TBC1D9: variants seen among roughly 807,000 people sequenced by gnomAD.
TBC1D9 encodes the protein TBC1 domain family member 9.
Under a neutral mutation model 132.0 loss-of-function variants are expected in TBC1D9, and 63 were observed. That is an observed-to-expected ratio of 0.48 (90% CI 0.39 to 0.59). TBC1D9 has a LOEUF of 0.59. Among genes scored for constraint, TBC1D9 ranks in the 20% least tolerant of loss-of-function variants. The probability of loss-of-function intolerance (pLI) is 0.00; values close to 1 mark genes in which losing one functional copy is unlikely to be tolerated. For missense variants in TBC1D9, 1,261 were observed against 1,592.7 expected (o/e 0.79, Z 3.54); for synonymous variants, 610 against 609.9 (o/e 1.00, Z 0.00).
intron 13 of TBC1D9, among the ~76,000 whole-genome samples, chr4:140,647,785 C>T (rs1256486331): frequency 6.6e-6 from 1 of 152,210 alleles, no homozygotes; most frequent in Non-Finnish European, 1.5e-5. Flanking sequence ...CACAGTGGCC[C>T]TTCCCTCTGG....
At chr4:140,709,713 C>T (rs941437298) in intron 1 of TBC1D9, among the ~76,000 whole-genome samples, 1 of 152,044 alleles carries the variant, frequency 6.6e-6, no homozygotes, top group African/African-American at 2.4e-5. Context: ...TTTCCATGGA[C>T]CAGAGTTGGG....
intron 2 of TBC1D9, among the ~76,000 whole-genome samples, chr4:140,686,847 T>C (rs576590461): frequency 6.6e-6 from 1 of 152,270 alleles, no homozygotes; most frequent in Middle Eastern, 3.4e-3. Flanking sequence ...TGATACTAGG[T>C]TACAGTTGTT....
At chr4:140,741,035 G>T (rs1387107653) in intron 1 of TBC1D9, among the ~76,000 whole-genome samples, 1 of 152,170 alleles carries the variant, frequency 6.6e-6, no homozygotes, top group African/African-American at 2.4e-5. Context: ...TTCAGGCCAT[G>T]GTAGGAAGAA....
At chr4:140,690,162 G>T (rs1417328209) in intron 2 of TBC1D9, among the ~76,000 whole-genome samples, 2 of 152,002 alleles carry the variant, frequency 1.3e-5, no homozygotes, top group African/African-American at 4.8e-5. Flanking sequence ...CATCTAACTT[G>T]TACCTCCAGC....
Position 140,756,103 on chromosome 4 carries a change from C to T in TBC1D9, c.-58G>A. 1 of 1,472,746 alleles carries T rather than the reference C, an allele frequency of 6.8e-7. No homozygotes were observed. The highest frequency in any genetic ancestry group is 1.2e-5 in the South Asian group (1 of 80,696). The allele number at this position is 1,472,746 out of a possible 1,614,324, so 91.2% of individuals were successfully genotyped here. On this transcript the variant is annotated 5_prime_UTR_variant, in exon 1 of 21. In the 5' UTR this introduces an upstream ATG that the reference lacks. Transcript: ENST00000442267. The surrounding 1 kb of genome is among the most constrained non-coding windows in gnomAD (Gnocchi z 5.6). ...GCCCGTGGGTCCAGTCCTGCACCCA[C>T]CACCGCGACAGGCGCGCACTCCTGG...
intron 2 of TBC1D9, among the ~76,000 whole-genome samples, chr4:140,699,136 C>G (rs1738024893): frequency 6.6e-6 from 1 of 151,754 alleles, no homozygotes; most frequent in Non-Finnish European, 1.5e-5. Flanking sequence ...ACAATTTGAG[C>G]AAAGAATAAA....
chr4:140,646,279 G>C (rs1033519986), intron 13 of TBC1D9, among the ~76,000 whole-genome samples: 120 of 152,288 alleles, frequency 7.9e-4, no homozygotes, highest in East Asian at 1.9e-4. Flanking sequence ...TTCAAACCCA[G>C]GTCGTCTGAT....
At chr4:140,661,136 G>A (rs568304768) in intron 10 of TBC1D9, among the ~76,000 whole-genome samples, 13 of 152,188 alleles carry the variant, frequency 8.5e-5, no homozygotes, top group Non-Finnish European at 1.3e-4. Flanking sequence ...GGATGGTCTC[G>A]ATCTCCTGAC....
intron 1 of TBC1D9, among the ~76,000 whole-genome samples, chr4:140,754,789 T>G (rs1738981732): frequency 6.6e-6 from 1 of 152,106 alleles, no homozygotes; most frequent in Non-Finnish European, 1.5e-5. Context: ...CTCTGCAGAT[T>G]TATCTTTTCT....
chr4:140,633,599 A>G (rs535057768), intron 16 of TBC1D9, among the ~76,000 whole-genome samples: 1 of 152,294 alleles, frequency 6.6e-6, no homozygotes, highest in African/African-American at 2.4e-5. Flanking sequence ...TGTTTTATGC[A>G]ATTATATATA....
intron 2 of TBC1D9, among the ~76,000 whole-genome samples, chr4:140,690,789 C>T (rs115460168): frequency 0.01 from 1,547 of 152,012 alleles, 20 homozygotes; most frequent in South Asian, 0.044. Context: ...CCTGGTGTGA[C>T]GACTTGGTAA....
chr4:140,628,384 C>T lies in TBC1D9; in HGVS notation c.2747-19G>A. The T allele has an allele frequency of 1.9e-6, 3 of 1,610,316 alleles. No homozygotes were observed. Among genetic ancestry groups the T allele is most frequent in the Non-Finnish European group, 2.5e-6 (3 of 1,176,564 alleles). ...GCAGCACCTAGAAGTCACATAAGTA[C>T]CAATGTGAAATGCATCACATGTGCT... is the stretch of plus-strand genomic sequence containing the variant. On this transcript the variant is annotated intron_variant, in intron 16 of 20. Coordinates refer to ENST00000442267, the MANE Select transcript of TBC1D9 (RefSeq NM_015130.3).
intron 1 of TBC1D9, among the ~76,000 whole-genome samples, chr4:140,726,150 G>A (rs1263597177): frequency 3.9e-5 from 6 of 152,128 alleles, no homozygotes; most frequent in Non-Finnish European, 5.9e-5. Context: ...TTACCTGGGC[G>A]TGGTGGTGCA....
chr4:140,749,624 A>G (rs143108030), intron 1 of TBC1D9, among the ~76,000 whole-genome samples: 1 of 152,164 alleles, frequency 6.6e-6, no homozygotes, highest in Non-Finnish European at 1.5e-5. Context: ...GGAGTTTGAG[A>G]CCAGCCTGGC....
At position 140,622,486 on chromosome 4, in the gene TBC1D9, G is replaced by C. The variant is rs1578810360; in HGVS notation, c.3510C>G (p.Ala1170=). ...SSMSSYSVLS[A]GSHEEDKLHC... ...GCAGCTTGTCCTCCTCGTGGGAGCC[G>C]GCACTCAGCACCGAGTATGAGGACA... Residue 1170 remains alanine, a synonymous_variant, in exon 21 of 21, where the codon GCC becomes GCG. Transcript: ENST00000442267. 25 of 1,614,036 alleles carry C rather than the reference G, an allele frequency of 1.5e-5. No individual in the cohort carries two copies. The highest frequency in any genetic ancestry group is 2.0e-5 in the Non-Finnish European group (24 of 1,179,900).
intron 1 of TBC1D9, among the ~76,000 whole-genome samples, chr4:140,730,806 C>T (rs754524687): frequency 6.6e-6 from 1 of 152,124 alleles, no homozygotes; most frequent in Non-Finnish European, 1.5e-5. Context: ...TGATGCACAA[C>T]GGTATGGAGC....
intron 15 of TBC1D9, among the ~76,000 whole-genome samples, chr4:140,636,297 C>T (rs1034317316): frequency 6.6e-6 from 1 of 152,146 alleles, no homozygotes; most frequent in African/African-American, 2.4e-5. Context: ...ACCTTTTCTC[C>T]TCAAGTTCTA....
At chr4:140,680,393 C>T (rs1459661199) in intron 3 of TBC1D9, among the ~76,000 whole-genome samples, 1 of 152,094 alleles carries the variant, frequency 6.6e-6, no homozygotes, top group African/African-American at 2.4e-5. Context: ...ATATTAGATG[C>T]AGGATTTTTG....
At chr4:140,711,231 T>C (rs1413146192) in intron 1 of TBC1D9, among the ~76,000 whole-genome samples, 1 of 152,202 alleles carries the variant, frequency 6.6e-6, no homozygotes, top group Non-Finnish European at 1.5e-5. Flanking sequence ...TGCTTCTGTG[T>C]GCAACAGGAA....
Sources: allele counts gnomAD v4.1 joint callset (sites outside exome capture counted in the v4.1 genomes callset), GRCh38; gene constraint gnomAD v4.1.1; non-coding constraint Gnocchi (gnomAD v3.1); transcripts MANE v1.5; gene names NCBI Gene and HGNC (gene_info 2026-07-23, HGNC 2026-07-21).